DNAH17: variants seen among roughly 807,000 people sequenced by gnomAD.
The protein encoded by DNAH17 is axonemal beta dynein heavy chain 17.
DNAH17 carries 376 observed loss-of-function variants against 485.6 expected under a neutral mutation model. That is an observed-to-expected ratio of 0.77 (90% CI 0.71 to 0.84). The LOEUF is 0.84. Ranked by LOEUF, DNAH17 falls within the 40% of genes least tolerant of loss-of-function variation. DNAH17 has a pLI of 0.00. For synonymous variants in DNAH17, 3,031 were observed against 2,405.9 expected (o/e 1.26, Z -7.60); for missense variants, 6,370 against 5,839.3 (o/e 1.09, Z -2.96).
intron 42 of DNAH17, 101 bp from the exon 43 acceptor site, chr17:78,491,671 C>T: frequency 1.3e-6 from 2 of 1,482,180 alleles, no homozygotes; most frequent in South Asian, 2.7e-5. Flanking sequence ...GGGAGCCTGT[C>T]CCCTACTTCA....
intron 16 of DNAH17, among the ~76,000 whole-genome samples, chr17:78,548,673 A>AG (rs1185484191): frequency 6.6e-6 from 1 of 152,200 alleles, no homozygotes; most frequent in Non-Finnish European, 1.5e-5. Flanking sequence ...CTGAGGGCTA[A>AG]GGGCACAGCC....
Position 78,451,619 on chromosome 17 carries a change from G to T in DNAH17, c.10584C>A (p.Ile3528=). The T allele has an allele frequency of 6.2e-7, 1 of 1,603,884 alleles. No homozygotes were observed. Among genetic ancestry groups the T allele is most frequent in the Non-Finnish European group, 8.5e-7 (1 of 1,175,322 alleles). Residue 3528 remains isoleucine, a synonymous_variant, in exon 66 of 81, where the codon ATC becomes ATA. Coordinates refer to ENST00000389840, the MANE Select transcript of DNAH17 (RefSeq NM_173628.4). ...GTGGGTTGAAGTACTTGGTGTGTAG[G>T]ATCAGGCGGAACTTGGGGTGGTACT... ...EVEYHPKFRL[I]LHTKYFNPHY... is the part of the protein sequence containing the mutation.
chr17:78,484,548 A>G (rs1374465153), intron 48 of DNAH17, among the ~76,000 whole-genome samples: 1 of 141,138 alleles, frequency 7.1e-6, no homozygotes, highest in South Asian at 2.3e-4. Context: ...CGGGACAGAC[A>G]CCTCGGTGGA....
In DNAH17 at chr17:78,505,652, C is replaced by T. The variant is rs115506362; in HGVS notation, c.4804-207G>A. On this transcript the variant is annotated intron_variant, in intron 30 of 80. Coordinates refer to ENST00000389840, the MANE Select transcript of DNAH17 (RefSeq NM_173628.4). ...AGGACACAGAAACCAGGCCAGGAAC[C>T]GCAGCCCTTCTAAGCCAAACATCCA... 1.5e-3 allele frequency among the ~76,000 whole-genome samples: 234 copies of T among 152,310 alleles called. 1 individual carries two copies. The highest frequency in any genetic ancestry group is 5.0e-3 in the African/African-American group (209 of 41,556).
Position 78,441,177 on chromosome 17 carries a change from C to A in DNAH17, c.11551G>T (p.Gly3851Cys). Residue 3851 changes from glycine (G) to cysteine (C), a missense_variant, in exon 72 of 81, where the codon GGC becomes TGC. Gly to Cys is a radical substitution (Grantham distance 159). Transcript: ENST00000389840. ...CTCCGGCCTTCCACGAACTTGCTGCCCATCTTTTCCTCCACGAAGTTCCTA... is the reference window on the plus strand; with the variant it reads ...CTCCGGCCTTCCACGAACTTGCTGCACATCTTTTCCTCCACGAAGTTCCTA... ...AIKNFVEEKM[G>C]SKFVEGRSVE... is the part of the protein sequence containing the mutation. The A allele has an allele frequency of 6.2e-7, 1 of 1,613,882 alleles. No individual in the cohort carries two copies. The highest frequency in any genetic ancestry group is 8.5e-7 in the Non-Finnish European group (1 of 1,179,884).
chr17:78,454,906 C>G (rs1178050945), intron 63 of DNAH17, among the ~76,000 whole-genome samples: 1 of 151,254 alleles, frequency 6.6e-6, no homozygotes, highest in Non-Finnish European at 1.5e-5. Flanking sequence ...ACAGCAACAC[C>G]GGGCCACGTT....
At chr17:78,472,247 G>C (rs969944149) in intron 54 of DNAH17, among the ~76,000 whole-genome samples, 1 of 148,434 alleles carries the variant, frequency 6.7e-6, no homozygotes, top group Non-Finnish European at 1.5e-5. Context: ...ATGGAGTAGG[G>C]GTGCGAGGGT....
chr17:78,558,074 C>G (rs1472960204), intron 14 of DNAH17, 34 bp downstream of exon 14: 1 of 1,577,510 alleles, frequency 6.3e-7, no homozygotes, highest in Non-Finnish European at 8.6e-7. Flanking sequence ...CAATACAAAG[C>G]TGCATCAGGA....
At chr17:78,495,519 C>A (rs986378254) in intron 38 of DNAH17, among the ~76,000 whole-genome samples, 3 of 150,822 alleles carry the variant, frequency 2.0e-5, no homozygotes, top group Non-Finnish European at 4.4e-5. Context: ...CTCACTGCAA[C>A]CTCCGCCTCC....
intron 54 of DNAH17, among the ~76,000 whole-genome samples, chr17:78,473,543 C>CAAAAAAAAAAAA (rs758795883): frequency 1.8e-5 from 1 of 55,444 alleles, no homozygotes; most frequent in Admixed American, 2.0e-4. Flanking sequence ...GACTCTGTCT[C>CAAAAAAAAAAAA]AAAAAAAAAA....
In DNAH17 at chr17:78,502,669, C is replaced by T. The variant is rs2090340232; in HGVS notation, c.5112G>A (p.Trp1704Ter). ...CAAATGCCAGGCCCACCTCGGTCGTCCACCAGATCTGGGTGCAAGTCAGGG... is the reference window on the plus strand; with the variant it reads ...CAAATGCCAGGCCCACCTCGGTCGTTCACCAGATCTGGGTGCAAGTCAGGG... ...QVALTCTQIWWTTEVGLAFAR... is the reference protein window; with the variant it reads ...QVALTCTQIW The change falls in exon 33 of 81, where the codon TGG becomes TGA. Residue 1704 changes from tryptophan to a stop codon, truncating the protein, a stop_gained. Coordinates refer to ENST00000389840, the MANE Select transcript of DNAH17 (RefSeq NM_173628.4). LOFTEE classifies it high-confidence loss of function. The T allele has an allele frequency of 6.2e-7, 1 of 1,612,632 alleles. No individual in the cohort carries two copies. Among genetic ancestry groups the T allele is most frequent in the African/African-American group, 1.3e-5 (1 of 74,946 alleles).
intron 11 of DNAH17, among the ~76,000 whole-genome samples, chr17:78,565,237 G>C (rs746050980): frequency 2.0e-5 from 3 of 152,190 alleles, no homozygotes; most frequent in Non-Finnish European, 4.4e-5. Context: ...AGTAAGGTCT[G>C]AATCAAGTCA....
At chr17:78,524,407 A>G (rs4969161) in intron 25 of DNAH17, among the ~76,000 whole-genome samples, 29,483 of 152,004 alleles carry the variant, frequency 0.19, 3,634 homozygotes, top group Middle Eastern at 0.32. Context: ...CAAAGTGCTG[A>G]GATTACAGGC....
At chr17:78,458,371 G>T (rs563854818) in intron 62 of DNAH17, 194 bp downstream of exon 62, 34 of 599,542 alleles carry the variant, frequency 5.7e-5, no homozygotes, top group Middle Eastern at 8.9e-4. Flanking sequence ...CACGCGACAG[G>T]GCATATTTTG....
At position 78,569,171 on chromosome 17, in the gene DNAH17, T is replaced by C. The variant is rs2092313575; in HGVS notation, c.1279A>G (p.Ile427Val). The C allele has an allele frequency of 3.7e-6, 6 of 1,600,696 alleles. No homozygotes were observed. The highest frequency in any genetic ancestry group is 2.2e-5 in the East Asian group (1 of 44,582). ...INSFFQRIQT[I>V]EELYKTAIEF... is the part of the protein sequence containing the mutation. ...GCACCGAGTTCTGTTTTTACCTCAATGGTCTGGATGCGCTGGAAGAAGGAA... is the reference window on the plus strand; with the variant it reads ...GCACCGAGTTCTGTTTTTACCTCAACGGTCTGGATGCGCTGGAAGAAGGAA... Residue 427 changes from isoleucine (I) to valine (V), a missense_variant, in exon 9 of 81, where the codon ATT becomes GTT. Coordinates refer to ENST00000389840, the MANE Select transcript of DNAH17 (RefSeq NM_173628.4).
Position 78,572,840 on chromosome 17 carries a change from C to T in DNAH17, c.400G>A (p.Val134Ile), listed in dbSNP as rs775927842. Residue 134 changes from valine to isoleucine, a missense_variant, in exon 3 of 81, where the codon GTC becomes ATC. By Grantham distance (29) the Val-to-Ile change is conservative (BLOSUM62 3). Transcript: ENST00000389840. ...SENMAGWPQV[V>I]SEDIVKQVHR... ...ACCTGCTTCACGATGTCTTCCGAGA[C>T]CACCTGGGGCCATCCAGCCATGTTC... The T allele has an allele frequency of 2.0e-5, 32 of 1,613,844 alleles. No individual in the cohort carries two copies. Among genetic ancestry groups the T allele is most frequent in the Non-Finnish European group, 2.2e-5 (26 of 1,179,882 alleles).
chr17:78,443,956 ACCCCAGG>A (rs2087173670), intron 71 of DNAH17, among the ~76,000 whole-genome samples: 1 of 152,142 alleles, frequency 6.6e-6, no homozygotes, highest in Non-Finnish European at 1.5e-5. Context: ...CTGAGGACAG[ACCCCAGG>A]CTCGTTTCTG....
At chr17:78,484,739 A>ACCCCCCCGGCCCCCC in intron 48 of DNAH17, 129 bp downstream of exon 48, 16 of 347,790 alleles carry the variant, frequency 4.6e-5, no homozygotes, top group Non-Finnish European at 6.8e-5. Context: ...ACGTTGCAGC[A>ACCCCCCCGGCCCCCC]CCCCCCCCAC....
chr17:78,559,791 C>T (rs528047890), intron 13 of DNAH17, among the ~76,000 whole-genome samples: 6 of 152,286 alleles, frequency 3.9e-5, no homozygotes, highest in African/African-American at 1.2e-4. Context: ...CATCTCTTCT[C>T]CTACGACCTT....
Sources: gnomAD v4.1 joint callset for allele counts (sites outside exome capture counted in the v4.1 genomes callset) on GRCh38, gnomAD v4.1.1 for gene constraint, MANE v1.5 for transcripts, NCBI Gene and HGNC (gene_info 2026-07-23, HGNC 2026-07-21) for gene names.